Variants in SHISA6 observed in about 807,000 individuals in gnomAD.
SHISA6 encodes the protein shisa family member 6.
In SHISA6, 22 loss-of-function variants were observed where a neutral mutation model predicts 47.9. That is an observed-to-expected ratio of 0.46 (90% CI 0.33 to 0.66). The LOEUF (loss-of-function observed/expected upper bound fraction) is 0.66, where lower values mean the gene tolerates loss of function less well. Ranked by LOEUF, SHISA6 falls within the 30% of genes least tolerant of loss-of-function variation. SHISA6 has a pLI of 0.02. For missense variants in SHISA6, 680 were observed against 764.6 expected (o/e 0.89, Z 1.30); for synonymous variants, 388 against 337.8 (o/e 1.15, Z -1.63).
rs5819321 is a variant in SHISA6, at chr17:11,542,334, G to GAA, written c.896-9549_896-9548dup. On this transcript the variant is annotated intron_variant, in intron 3 of 5. Coordinates refer to ENST00000441885, the MANE Select transcript of SHISA6 (RefSeq NM_207386.4). ...GGAAGACCTTTTCACAGTGCTACAA[G>GAA]AAAAAAAAAAAAAAGCCTGTCAACC... Among the ~76,000 whole-genome samples the GAA allele has an allele frequency of 6.0e-3, 731 of 122,840 alleles. 10 individuals carry two copies. The highest frequency in any genetic ancestry group is 0.017 in the South Asian group (71 of 4,144). 80.6% of individuals were successfully genotyped at this position (122,840 alleles called of 152,430 possible). A position where few individuals can be genotyped will look rare whatever the true frequency, so the allele number is the denominator to read the frequency against.
At chr17:11,409,537 C>G (rs1224045918) in intron 3 of SHISA6, among the ~76,000 whole-genome samples, 3 of 151,768 alleles carry the variant, frequency 2.0e-5, no homozygotes, top group African/African-American at 7.3e-5. Context: ...AATCCTGTCT[C>G]TACTAAAAAT....
At chr17:11,461,647 G>A in intron 3 of SHISA6, among the ~76,000 whole-genome samples, 1 of 152,180 alleles carries the variant, frequency 6.6e-6, no homozygotes, top group East Asian at 1.9e-4. Flanking sequence ...AGGGTAAGCA[G>A]GCTTAGGATT....
At chr17:11,487,168 T>C (rs1916370985) in intron 3 of SHISA6, among the ~76,000 whole-genome samples, 1 of 152,158 alleles carries the variant, frequency 6.6e-6, no homozygotes, top group East Asian at 1.9e-4. Flanking sequence ...GTGCATGGGC[T>C]TGCTTCAGCA....
intron 2 of SHISA6, among the ~76,000 whole-genome samples, chr17:11,316,071 C>G (rs950677330): frequency 6.6e-6 from 1 of 152,082 alleles, no homozygotes; most frequent in Non-Finnish European, 1.5e-5. Flanking sequence ...TTGCTACTGA[C>G]ACATTAATTT....
chr17:11,380,993 C>T (rs112747416), intron 3 of SHISA6, among the ~76,000 whole-genome samples: 1 of 152,142 alleles, frequency 6.6e-6, no homozygotes. Context: ...ATGACCAATC[C>T]TATCAGTTGC....
intron 2 of SHISA6, among the ~76,000 whole-genome samples, chr17:11,370,363 C>G (rs1912596757): frequency 6.6e-6 from 1 of 152,086 alleles, no homozygotes; most frequent in Non-Finnish European, 1.5e-5. Flanking sequence ...TGCCCTTGAC[C>G]CTCCCCTTCT....
At chr17:11,355,267 A>C (rs1912043404) in intron 2 of SHISA6, among the ~76,000 whole-genome samples, 1 of 152,218 alleles carries the variant, frequency 6.6e-6, no homozygotes. Flanking sequence ...AAGCTGTTCC[A>C]TCAAACTGAA....
At chr17:11,275,460 G>A (rs908537314) in intron 2 of SHISA6, among the ~76,000 whole-genome samples, 2 of 152,120 alleles carry the variant, frequency 1.3e-5, no homozygotes, top group Non-Finnish European at 2.9e-5. Context: ...AGTGATTTTG[G>A]TCCTTTATTG....
chr17:11,490,478 A>C (rs1183483097), intron 3 of SHISA6, among the ~76,000 whole-genome samples: 1 of 152,080 alleles, frequency 6.6e-6, no homozygotes, highest in Non-Finnish European at 1.5e-5. Flanking sequence ...GGGAGGAATG[A>C]GGCCTCCCTG....
intron 2 of SHISA6, among the ~76,000 whole-genome samples, chr17:11,343,519 A>T (rs1911602979): frequency 6.6e-6 from 1 of 151,992 alleles, no homozygotes; most frequent in Admixed American, 6.6e-5. Flanking sequence ...ACGGGATCTC[A>T]ATCCTGCTGG....
At position 11,456,960 on chromosome 17, in the gene SHISA6, C is replaced by T. The variant is rs75070169; in HGVS notation, c.895+77451C>T. Among the ~76,000 whole-genome samples, 1,140 of 152,264 alleles carry T rather than the reference C, an allele frequency of 7.5e-3. 19 individuals are homozygous for T. Among genetic ancestry groups the T allele is most frequent in the African/African-American group, 0.026 (1,085 of 41,542 alleles). Reference sequence around the variant, plus strand: ...TGTAGGCTGTCACTCATCCACTTCCCTTCATCGAAGCTTCTGGCTCTTTGC... The same window carrying T: ...TGTAGGCTGTCACTCATCCACTTCCTTTCATCGAAGCTTCTGGCTCTTTGC... On this transcript the variant is annotated intron_variant, in intron 3 of 5. Transcript: ENST00000441885.
chr17:11,380,098 G>C (rs891893571), intron 3 of SHISA6: 3 of 152,836 alleles, frequency 2.0e-5, no homozygotes, highest in African/African-American at 7.2e-5. Flanking sequence ...CATCTGTGCA[G>C]GGGGCATGGA....
chr17:11,254,922 G>T (rs1907953236), intron 1 of SHISA6, among the ~76,000 whole-genome samples: 2 of 152,190 alleles, frequency 1.3e-5, no homozygotes, highest in Admixed American at 6.5e-5. Context: ...TAATTCTATG[G>T]TAAAACCCCA....
chr17:11,444,287 C>T (rs1192309795), intron 3 of SHISA6, among the ~76,000 whole-genome samples: 1 of 151,968 alleles, frequency 6.6e-6, no homozygotes, highest in Non-Finnish European at 1.5e-5. Context: ...TCACTGCACT[C>T]TAGCCTAGGT....
At chr17:11,263,838 C>T (rs968206056) in intron 2 of SHISA6, among the ~76,000 whole-genome samples, 1 of 152,142 alleles carries the variant, frequency 6.6e-6, no homozygotes, top group African/African-American at 2.4e-5. Flanking sequence ...GCCATCCATT[C>T]GCCCACGTGG....
In SHISA6 at chr17:11,345,046, C is replaced by T. The variant is rs34421620; in HGVS notation, c.800-34368C>T. ...GAATATGCAGTATTTAGTTTTCTGA[C>T]CTGCGTTATTTCACTTAACATAATA... On this transcript the variant is annotated intron_variant, in intron 2 of 5. Coordinates refer to ENST00000441885, the MANE Select transcript of SHISA6 (RefSeq NM_207386.4). 2.0e-3 allele frequency among the ~76,000 whole-genome samples: 297 copies of T among 152,130 alleles called. 2 individuals are homozygous for T. The highest frequency in any genetic ancestry group is 6.8e-3 in the African/African-American group (282 of 41,514).
intron 3 of SHISA6, among the ~76,000 whole-genome samples, chr17:11,464,562 C>T (rs1915764974): frequency 6.6e-6 from 1 of 152,220 alleles, no homozygotes. Flanking sequence ...GCATTACACT[C>T]TGTGGAGAAG....
chr17:11,454,420 T>C (rs937768633), intron 3 of SHISA6, among the ~76,000 whole-genome samples: 8 of 152,200 alleles, frequency 5.3e-5, no homozygotes, highest in African/African-American at 1.7e-4. Context: ...CAGACATTAA[T>C]CTGATCAGAT....
intron 2 of SHISA6, among the ~76,000 whole-genome samples, chr17:11,319,100 A>G (rs1910623640): frequency 7.1e-6 from 1 of 140,218 alleles, no homozygotes; most frequent in East Asian, 2.1e-4. Flanking sequence ...TTTCCTTGAG[A>G]TGGAGTCTCG....
Sources: allele counts gnomAD v4.1 joint callset (sites outside exome capture counted in the v4.1 genomes callset), GRCh38; gene constraint gnomAD v4.1.1; transcripts MANE v1.5; gene names NCBI Gene and HGNC (gene_info 2026-07-23, HGNC 2026-07-21).